PDGFD: variants seen among roughly 807,000 people sequenced by gnomAD.
The protein encoded by PDGFD is platelet-derived growth factor D.
In PDGFD, 30 loss-of-function variants were observed where a neutral mutation model predicts 44.7. That is an observed-to-expected ratio of 0.67 (90% CI 0.50 to 0.91). The LOEUF (loss-of-function observed/expected upper bound fraction) is 0.91, where lower values mean the gene tolerates loss of function less well. Ranked by LOEUF, PDGFD falls within the 40% of genes least tolerant of loss-of-function variation. The probability of loss-of-function intolerance (pLI) is 0.00; values close to 1 mark genes in which losing one functional copy is unlikely to be tolerated. For missense variants in PDGFD, 445 were observed against 457.8 expected (o/e 0.97, Z 0.25); for synonymous variants, 173 against 168.4 (o/e 1.03, Z -0.21).
At chr11:103,928,444 G>A (rs543908418) in intron 5 of PDGFD, among the ~76,000 whole-genome samples, 1 of 152,166 alleles carries the variant, frequency 6.6e-6, no homozygotes, top group African/African-American at 2.4e-5. Context: ...ACTGCTTAAG[G>A]AGAAGGAAGA....
In PDGFD at chr11:103,956,219, C is replaced by G. The variant is rs866652327; in HGVS notation, c.511-8495G>C. ...TAATGCTATCCCTCCCCTCTCCCCC[C>G]ACCCCACAACAGTCCCCAGAGCGTG... On this transcript the variant is annotated intron_variant, in intron 3 of 6. Coordinates refer to ENST00000393158, the MANE Select transcript of PDGFD (RefSeq NM_025208.5). Among the ~76,000 whole-genome samples the G allele has an allele frequency of 5.3e-5, 8 of 151,530 alleles. No individual in the cohort carries two copies. The South Asian group carries it at 1.1e-3, about 20-fold the overall frequency.
At chr11:103,968,101 C>A (rs2134342039) in intron 3 of PDGFD, among the ~76,000 whole-genome samples, 3 of 152,270 alleles carry the variant, frequency 2.0e-5, no homozygotes, top group Middle Eastern at 6.8e-3. Flanking sequence ...TGACTCCCTC[C>A]TTAATGCCCC....
chr11:104,085,253 T>C (rs1861113334), intron 1 of PDGFD, among the ~76,000 whole-genome samples: 1 of 152,178 alleles, frequency 6.6e-6, no homozygotes, highest in Non-Finnish European at 1.5e-5. Context: ...TAACCTCTGG[T>C]AACCACTGAT....
At chr11:103,944,911 G>A (rs1279725743) in intron 4 of PDGFD, among the ~76,000 whole-genome samples, 5 of 152,024 alleles carry the variant, frequency 3.3e-5, no homozygotes, top group Non-Finnish European at 7.4e-5. Context: ...TGGGTGAGAG[G>A]GTGAAATAGA....
chr11:104,110,137 G>C (rs1861531947), intron 1 of PDGFD, among the ~76,000 whole-genome samples: 1 of 152,082 alleles, frequency 6.6e-6, no homozygotes, highest in Non-Finnish European at 1.5e-5. Flanking sequence ...ACACAAAGAA[G>C]AAAGTATGGA....
intron 1 of PDGFD, among the ~76,000 whole-genome samples, chr11:104,119,596 A>C (rs1458417954): frequency 1.0e-5 from 1 of 95,742 alleles, no homozygotes; most frequent in African/African-American, 4.3e-5. Flanking sequence ...GATATAATAT[A>C]TAATATATTA....
chr11:103,990,064 C>T (rs984714162), intron 3 of PDGFD, among the ~76,000 whole-genome samples: 10 of 152,040 alleles, frequency 6.6e-5, no homozygotes, highest in African/African-American at 2.4e-4. Context: ...CTACCTTATC[C>T]CATCTAAGTG....
At chr11:104,074,281 G>A (rs374703128) in intron 1 of PDGFD, among the ~76,000 whole-genome samples, 2 of 152,160 alleles carry the variant, frequency 1.3e-5, no homozygotes, top group East Asian at 1.9e-4. Flanking sequence ...ATGAACTTGC[G>A]AGAACAGTAC....
At chr11:104,150,333 G>A (rs925594368) in intron 1 of PDGFD, among the ~76,000 whole-genome samples, 1 of 152,152 alleles carries the variant, frequency 6.6e-6, no homozygotes, top group African/African-American at 2.4e-5. Flanking sequence ...AGTGAGGCCA[G>A]TCTAAGAAAT....
Position 103,970,221 on chromosome 11 carries a change from A to C in PDGFD, c.511-22497T>G, listed in dbSNP as rs936037322. 2.6e-5 allele frequency among the ~76,000 whole-genome samples: 4 copies of C among 152,144 alleles called. No homozygotes were observed. In the South Asian group the frequency reaches 6.2e-4, roughly 24 times the overall value. On this transcript the variant is annotated intron_variant, in intron 3 of 6. Coordinates refer to ENST00000393158, the MANE Select transcript of PDGFD (RefSeq NM_025208.5). The stretch of plus-strand genomic sequence containing the variant: ...GAGAGAACATATAAATTAGTGAAAA[A>C]AATTCTCTAAATATCAATAATTGAT...
rs369272410 is a variant in PDGFD, at chr11:103,957,776, CTAGAGAGGATCAGCGTGTTTGCAGA to C, written c.511-10077_511-10053del. Among the ~76,000 whole-genome samples the C allele has an allele frequency of 2.8e-3, 421 of 152,192 alleles. 2 individuals carry two copies. Among genetic ancestry groups the C allele is most frequent in the African/African-American group, 9.7e-3 (403 of 41,516 alleles). On this transcript the variant is annotated intron_variant, in intron 3 of 6. Coordinates refer to ENST00000393158, the MANE Select transcript of PDGFD (RefSeq NM_025208.5). ...GGGTCATGAGAATGATATTCAAGAA[CTAGAGAGGATCAGCGTGTTTGCAGA>C]TAGAGAGAGGGGTGCCGCATACCAA...
chr11:104,098,573 T>C (rs996174695), intron 1 of PDGFD, among the ~76,000 whole-genome samples: 2 of 151,364 alleles, frequency 1.3e-5, no homozygotes, highest in Non-Finnish European at 2.9e-5. Flanking sequence ...GCTGCAATTA[T>C]GGCACAATGC....
At chr11:104,156,485 C>CA (rs1862309739) in intron 1 of PDGFD, among the ~76,000 whole-genome samples, 1 of 152,096 alleles carries the variant, frequency 6.6e-6, no homozygotes, top group African/African-American at 2.4e-5. Flanking sequence ...ACACACTCTA[C>CA]AAAAAAGTGC....
chr11:104,071,709 T>C lies in PDGFD; in HGVS notation c.125-71454A>G, dbSNP rs369557415. On this transcript the variant is annotated intron_variant, in intron 1 of 6. Coordinates refer to ENST00000393158, the MANE Select transcript of PDGFD (RefSeq NM_025208.5). ...CAGTTTTTCCATTTATTAAATCTGA[T>C]TTTGAGTTGTAGTTATGAAACCTTT... is the stretch of plus-strand genomic sequence containing the variant. 4.3e-4 allele frequency among the ~76,000 whole-genome samples: 65 copies of C among 151,936 alleles called. No homozygotes were observed. The South Asian group carries it at 0.011, about 26-fold the overall frequency.
chr11:103,956,871 T>C (rs1858859187), intron 3 of PDGFD, among the ~76,000 whole-genome samples: 2 of 152,338 alleles, frequency 1.3e-5, no homozygotes, highest in African/African-American at 4.8e-5. Context: ...TTTTGAGAAG[T>C]GTCTGTTCAT....
intron 6 of PDGFD, 37 bp downstream of exon 6, chr11:103,926,875 A>AT: frequency 6.3e-7 from 1 of 1,576,334 alleles, no homozygotes; most frequent in South Asian, 1.1e-5. Context: ...AATCCTATAG[A>AT]TTAAGCATTG....
intron 4 of PDGFD, among the ~76,000 whole-genome samples, chr11:103,945,032 T>C (rs745755886): frequency 2.6e-5 from 4 of 152,136 alleles, no homozygotes; most frequent in Non-Finnish European, 4.4e-5. Flanking sequence ...TTTCCTGCCA[T>C]GCTACATTCA....
intron 3 of PDGFD, among the ~76,000 whole-genome samples, chr11:103,958,724 C>T (rs1591094958): frequency 6.6e-6 from 1 of 152,120 alleles, no homozygotes; most frequent in African/African-American, 2.4e-5. Context: ...ATTCACACTC[C>T]CAATAACTGC....
chr11:104,139,030 G>T (rs1016067461), intron 1 of PDGFD, among the ~76,000 whole-genome samples: 1 of 152,124 alleles, frequency 6.6e-6, no homozygotes, highest in Non-Finnish European at 1.5e-5. Flanking sequence ...CCAAAGTACT[G>T]GGATTACAGG....
Sources: allele counts gnomAD v4.1 joint callset (sites outside exome capture counted in the v4.1 genomes callset), GRCh38; gene constraint gnomAD v4.1.1; transcripts MANE v1.5; gene names NCBI Gene and HGNC (gene_info 2026-07-23, HGNC 2026-07-21).